BICC1: variants seen among roughly 807,000 people sequenced by gnomAD.
BICC1 encodes protein bicaudal C homolog 1.
BICC1 carries 43 observed loss-of-function variants against 111.0 expected under a neutral mutation model. That is an observed-to-expected ratio of 0.39 (90% CI 0.30 to 0.50). The LOEUF is 0.50. Ranked by LOEUF, BICC1 falls within the 20% of genes least tolerant of loss-of-function variation. The pLI is 0.88. For missense variants in BICC1, 1,091 were observed against 1,203.2 expected (o/e 0.91, Z 1.38); for synonymous variants, 467 against 434.4 (o/e 1.07, Z -0.93).
rs868023799 is a variant in BICC1, at chr10:58,664,694, T to G, written c.238-37380T>G. On this transcript the variant is annotated intron_variant, in intron 2 of 20. Coordinates refer to ENST00000373886, the MANE Select transcript of BICC1 (RefSeq NM_001080512.3). Reference sequence around the variant, plus strand: ...TATCTGTTGATGATAGGCTTGTGGGTTTTTTTTTTCCCTCCACTTTTGTGT... The same window carrying G: ...TATCTGTTGATGATAGGCTTGTGGGGTTTTTTTTTCCCTCCACTTTTGTGT... Among the ~76,000 whole-genome samples, 287 of 149,660 alleles carry G rather than the reference T, an allele frequency of 1.9e-3. 1 individual carries two copies. The highest frequency in any genetic ancestry group is 6.5e-3 in the African/African-American group (265 of 40,904).
At chr10:58,552,839 T>C (rs1649059) in intron 1 of BICC1, among the ~76,000 whole-genome samples, 69,938 of 152,026 alleles carry the variant, frequency 0.46, 17,191 homozygotes, top group Admixed American at 0.62. Context: ...TGATATTGAC[T>C]GTATTCCTTG....
chr10:58,585,550 G>A (rs965624392), intron 1 of BICC1, among the ~76,000 whole-genome samples: 10 of 151,786 alleles, frequency 6.6e-5, no homozygotes, highest in African/African-American at 2.2e-4. Context: ...TTCTTTTTCC[G>A]TGATTGCAGT....
At chr10:58,597,105 A>G (rs948352170) in intron 1 of BICC1, among the ~76,000 whole-genome samples, 1 of 152,156 alleles carries the variant, frequency 6.6e-6, no homozygotes, top group African/African-American at 2.4e-5. Context: ...AGTTCTTTCT[A>G]TTTTCTATAA....
At chr10:58,586,763 C>T (rs1490875794) in intron 1 of BICC1, among the ~76,000 whole-genome samples, 1 of 152,116 alleles carries the variant, frequency 6.6e-6, no homozygotes, top group Non-Finnish European at 1.5e-5. Context: ...AGGCAGAAAG[C>T]ATGCAGTTAC....
At chr10:58,529,747 A>G (rs1842632961) in intron 1 of BICC1, among the ~76,000 whole-genome samples, 1 of 151,788 alleles carries the variant, frequency 6.6e-6, no homozygotes, top group Non-Finnish European at 1.5e-5. Context: ...GGGATCTATA[A>G]TTTACTAAAA....
In BICC1 at chr10:58,513,348, T is replaced by G. The variant is rs761833071; in HGVS notation, c.190+15T>G. ...CATGTTACAAGGTAGGCATCCCTCG[T>G]GTTCTCGGACTCTCCGACTGAGCCT... On this transcript the variant is annotated intron_variant, in intron 1 of 20. Coordinates refer to ENST00000373886, the MANE Select transcript of BICC1 (RefSeq NM_001080512.3). 6.3e-7 allele frequency: 1 copy of G among 1,590,584 alleles called. No individual in the cohort carries two copies.
intron 2 of BICC1, among the ~76,000 whole-genome samples, chr10:58,693,544 A>T (rs1304787617): frequency 6.6e-6 from 1 of 152,136 alleles, no homozygotes. Flanking sequence ...CTTCTTAATG[A>T]TCGCCATTCT....
intron 3 of BICC1, among the ~76,000 whole-genome samples, chr10:58,725,337 C>T (rs1379061395): frequency 6.6e-6 from 1 of 152,184 alleles, no homozygotes; most frequent in Non-Finnish European, 1.5e-5. Flanking sequence ...TGCCCTACTA[C>T]AATTCCCAAC....
chr10:58,818,479 A>G (rs980962160), intron 19 of BICC1, among the ~76,000 whole-genome samples: 4 of 152,162 alleles, frequency 2.6e-5, no homozygotes, highest in African/African-American at 9.7e-5. Context: ...AGTTGGCTTA[A>G]TTTTATGTTA....
At chr10:58,773,129 C>T (rs1025775599) in intron 3 of BICC1, among the ~76,000 whole-genome samples, 1 of 152,132 alleles carries the variant, frequency 6.6e-6, no homozygotes, top group Admixed American at 6.6e-5. Context: ...ATTAGTGATT[C>T]TCTGCCGTTG....
chr10:58,767,331 A>G (rs1842484330), intron 3 of BICC1, among the ~76,000 whole-genome samples: 1 of 152,208 alleles, frequency 6.6e-6, no homozygotes, highest in Non-Finnish European at 1.5e-5. Context: ...CACAATCTTA[A>G]GAATTACCTC....
intron 20 of BICC1, among the ~76,000 whole-genome samples, chr10:58,821,370 G>A (rs1844247006): frequency 6.6e-6 from 1 of 152,148 alleles, no homozygotes; most frequent in Non-Finnish European, 1.5e-5. Context: ...CTATGCCTCA[G>A]TGAAGCCAGC....
chr10:58,639,837 C>T (rs1007954540), intron 2 of BICC1, among the ~76,000 whole-genome samples: 6 of 151,298 alleles, frequency 4.0e-5, no homozygotes, highest in South Asian at 2.1e-4. Flanking sequence ...CTCAGCCTCC[C>T]GAGTAGCTGG....
chr10:58,768,279 G>A (rs528326322), intron 3 of BICC1, among the ~76,000 whole-genome samples: 4 of 152,212 alleles, frequency 2.6e-5, no homozygotes, highest in South Asian at 2.1e-4. Flanking sequence ...GAAATCCCAC[G>A]GGTCACGAAG....
intron 9 of BICC1, among the ~76,000 whole-genome samples, chr10:58,795,313 C>T (rs1444842858): frequency 6.6e-6 from 1 of 152,128 alleles, no homozygotes; most frequent in Admixed American, 6.5e-5. Flanking sequence ...GAAAAGATAG[C>T]ATTGATTCTA....
chr10:58,577,789 A>G (rs1215156949), intron 1 of BICC1, among the ~76,000 whole-genome samples: 3 of 152,210 alleles, frequency 2.0e-5, no homozygotes, highest in Admixed American at 6.5e-5. Context: ...ACTCTTTGTA[A>G]TAACAATGGT....
chr10:58,580,339 T>G (rs1396199341), intron 1 of BICC1, among the ~76,000 whole-genome samples: 1 of 152,160 alleles, frequency 6.6e-6, no homozygotes, highest in Non-Finnish European at 1.5e-5. Context: ...TAGCAAATTT[T>G]AAGTACAGGT....
chr10:58,658,493 C>T (rs1021376137), intron 2 of BICC1, among the ~76,000 whole-genome samples: 4 of 152,062 alleles, frequency 2.6e-5, no homozygotes, highest in African/African-American at 9.7e-5. Flanking sequence ...AGCCTCTCTA[C>T]TTTTTAAATG....
intron 2 of BICC1, among the ~76,000 whole-genome samples, chr10:58,638,677 T>C (rs1209280621): frequency 6.6e-6 from 1 of 152,136 alleles, no homozygotes; most frequent in East Asian, 1.9e-4. Context: ...CAGAGGCTAC[T>C]TGTACCAATA....
Sources: allele counts gnomAD v4.1 joint callset (sites outside exome capture counted in the v4.1 genomes callset), GRCh38; gene constraint gnomAD v4.1.1; transcripts MANE v1.5; gene names NCBI Gene and HGNC (gene_info 2026-07-23, HGNC 2026-07-21).